Variants in RBFOX1 observed in about 807,000 individuals in gnomAD.
RBFOX1 encodes the protein RNA binding protein fox-1 homolog 1.
In RBFOX1, 8 loss-of-function variants were observed where a neutral mutation model predicts 57.7. That is an observed-to-expected ratio of 0.14 (90% confidence interval 0.08 to 0.25). The LOEUF is 0.25. Among genes scored for constraint, RBFOX1 ranks in the 10% least tolerant of loss-of-function variants. The probability of loss-of-function intolerance (pLI) is 1.00; values close to 1 mark genes in which losing one functional copy is unlikely to be tolerated. For synonymous variants in RBFOX1, 326 were observed against 222.4 expected, an observed-to-expected ratio of 1.47 and a Z score of -4.15; for missense variants, 611 against 548.5, an observed-to-expected ratio of 1.11 and a Z score of -1.14.
chr16:7,475,428 C>T (rs886540475), intron 4 of RBFOX1, among the ~76,000 whole-genome samples: 2 of 151,794 alleles, frequency 1.3e-5, no homozygotes, highest in East Asian at 1.9e-4. Context: ...AATTCTCCTG[C>T]GTCAGCCTCC....
intron 1 of RBFOX1, among the ~76,000 whole-genome samples, chr16:5,297,571 T>C (rs886296438): frequency 2.0e-5 from 3 of 152,224 alleles, no homozygotes; most frequent in African/African-American, 7.2e-5. Flanking sequence ...GATCTTTTGC[T>C]CATTTTTTGA....
intron 2 of RBFOX1, among the ~76,000 whole-genome samples, chr16:6,357,911 C>A (rs1424990022): frequency 1.3e-5 from 2 of 149,540 alleles, no homozygotes; most frequent in African/African-American, 2.5e-5. Flanking sequence ...GAGCTGAGAT[C>A]GTGCCACTTC....
At position 6,890,531 on chromosome 16, in the gene RBFOX1, C is replaced by A. The variant is rs561428458; in HGVS notation, c.-15-161526C>A. Among the ~76,000 whole-genome samples, 862 of 143,410 alleles carry A rather than the reference C, an allele frequency of 6.0e-3. 13 individuals are homozygous for A. The highest frequency in any genetic ancestry group is 0.021 in the African/African-American group (816 of 38,712). The allele number at this position is 143,410 out of a possible 152,430, so 94.1% of individuals were successfully genotyped here. ...GAGACTCCATCTCAAAACAAACAAACAAAACCAAACCCAAAGAATGTTTGA... is the reference window on the plus strand; with the variant it reads ...GAGACTCCATCTCAAAACAAACAAAAAAAACCAAACCCAAAGAATGTTTGA... On this transcript the variant is annotated intron_variant, in intron 3 of 15. Coordinates refer to ENST00000550418, the MANE Select transcript of RBFOX1 (RefSeq NM_018723.4).
At chr16:5,811,864 G>A (rs1014123160) in intron 3 of RBFOX1, among the ~76,000 whole-genome samples, 16 of 152,078 alleles carry the variant, frequency 1.1e-4, no homozygotes, top group African/African-American at 3.6e-4. Context: ...TCATGTAGGC[G>A]TTACCACAAT....
intron 3 of RBFOX1, among the ~76,000 whole-genome samples, chr16:7,009,815 C>G (rs1238983666): frequency 1.3e-5 from 2 of 152,166 alleles, no homozygotes; most frequent in African/African-American, 2.4e-5. Flanking sequence ...AATACTAGAG[C>G]TAACGTGAAA....
intron 1 of RBFOX1, among the ~76,000 whole-genome samples, chr16:5,302,067 T>A (rs182050749): frequency 1.7e-3 from 261 of 152,282 alleles, no homozygotes; most frequent in Non-Finnish European, 2.4e-3. Flanking sequence ...TTTTTTAATA[T>A]AGGCATTTAA....
chr16:6,452,174 CCTTCCTTCCATGACTCCACCCATGGCTT>C (rs1567307160), intron 2 of RBFOX1, among the ~76,000 whole-genome samples: 3 of 150,438 alleles, frequency 2.0e-5, no homozygotes, highest in South Asian at 4.3e-4. Context: ...ATCCATGGAT[CCTTCCTTCCATGACTCCACCCATGGCTT>C]CTTCCTTCCA....
chr16:6,487,030 C>T (rs981539631), intron 2 of RBFOX1, among the ~76,000 whole-genome samples: 5 of 152,012 alleles, frequency 3.3e-5, no homozygotes, highest in African/African-American at 1.2e-4. Context: ...GAAACCATCG[C>T]ATATTAAATT....
In RBFOX1 at chr16:6,817,706, G is replaced by GA. The variant is rs572522891; in HGVS notation, c.-16+163066dup. On this transcript the variant is annotated intron_variant, in intron 3 of 15. Transcript: ENST00000550418. ...CGACAGAGCCAAACTCTGTCTCAAA[G>GA]AAAAAAAAAACAAACAAAAAAAACT... Among the ~76,000 whole-genome samples the GA allele has an allele frequency of 8.9e-3, 1,283 of 144,786 alleles. 18 individuals carry two copies. Among genetic ancestry groups the GA allele is most frequent in the African/African-American group, 0.028 (1,116 of 39,546 alleles). The allele number at this position is 144,786 out of a possible 152,430, so 95.0% of individuals were successfully genotyped here.
rs962144530 is a variant in RBFOX1, at chr16:6,930,523, C to T, written c.-15-121534C>T. Among the ~76,000 whole-genome samples, 5 of 152,078 alleles carry T rather than the reference C, an allele frequency of 3.3e-5. No homozygotes were observed. The South Asian group carries it at 1.0e-3, about 32-fold the overall frequency. On this transcript the variant is annotated intron_variant, in intron 3 of 15. Coordinates refer to ENST00000550418, the MANE Select transcript of RBFOX1 (RefSeq NM_018723.4). The stretch of plus-strand genomic sequence containing the variant: ...CTTCTGGGTTCAGGTGATTCTCCTG[C>T]CTCAGCCTCCCAAGCAGTTGGGATT...
At chr16:5,724,477 C>T (rs1004180875) in intron 3 of RBFOX1, among the ~76,000 whole-genome samples, 4 of 152,178 alleles carry the variant, frequency 2.6e-5, no homozygotes, top group South Asian at 2.1e-4. Flanking sequence ...AGGAGGGACT[C>T]GGAGCCAGAC....
At chr16:6,849,533 G>C (rs2093952804) in intron 3 of RBFOX1, among the ~76,000 whole-genome samples, 1 of 152,062 alleles carries the variant, frequency 6.6e-6, no homozygotes, top group Non-Finnish European at 1.5e-5. Flanking sequence ...GCTGGGTATG[G>C]TGGTGCATGC....
At chr16:5,241,951 A>T (rs1269806903) in intron 1 of RBFOX1, among the ~76,000 whole-genome samples, 1 of 150,882 alleles carries the variant, frequency 6.6e-6, no homozygotes, top group Non-Finnish European at 1.5e-5. Context: ...AAAAAAAAAT[A>T]ATAATAATAA....
At chr16:7,318,373 T>G (rs1309409057) in intron 4 of RBFOX1, among the ~76,000 whole-genome samples, 1 of 151,960 alleles carries the variant, frequency 6.6e-6, no homozygotes, top group Non-Finnish European at 1.5e-5. Context: ...GTGGTGGTGG[T>G]GATGATGTTT....
chr16:5,885,189 C>T (rs1461076210), intron 4 of RBFOX1, among the ~76,000 whole-genome samples: 2 of 152,030 alleles, frequency 1.3e-5, no homozygotes, highest in East Asian at 3.9e-4. Context: ...GGTTTCCTGT[C>T]AGGTTTCTCA....
At chr16:7,521,782 G>C (rs1346446476) in intron 5 of RBFOX1, among the ~76,000 whole-genome samples, 1 of 152,202 alleles carries the variant, frequency 6.6e-6, no homozygotes, top group Admixed American at 6.5e-5. Context: ...CTGGTTACAG[G>C]AAAGAGAAAA....
chr16:7,075,415 T>A (rs560936638), intron 4 of RBFOX1, among the ~76,000 whole-genome samples: 2 of 152,282 alleles, frequency 1.3e-5, no homozygotes, highest in East Asian at 3.9e-4. Context: ...TTAGCATACA[T>A]GATTAGGGGA....
At chr16:6,783,031 A>T (rs2081290234) in intron 3 of RBFOX1, among the ~76,000 whole-genome samples, 2 of 151,972 alleles carry the variant, frequency 1.3e-5, no homozygotes, top group Admixed American at 1.3e-4. Flanking sequence ...AATATATTTT[A>T]TCTGGTATAA....
At chr16:6,094,322 A>G (rs552944576) in intron 1 of RBFOX1, among the ~76,000 whole-genome samples, 3 of 152,344 alleles carry the variant, frequency 2.0e-5, no homozygotes, top group South Asian at 2.1e-4. Flanking sequence ...GAAGAGGTCT[A>G]TCAACTATTC....
Sources: allele counts gnomAD v4.1 joint callset (sites outside exome capture counted in the v4.1 genomes callset), GRCh38; gene constraint gnomAD v4.1.1; transcripts MANE v1.5; gene names NCBI Gene and HGNC (gene_info 2026-07-23, HGNC 2026-07-21).